The following KLF6 variants were observed in gnomAD, a reference collection of about 807,000 sequenced individuals.
KLF6 encodes KLF transcription factor 6.
For synonymous variants in KLF6, 152 were observed against 147.9 expected (o/e 1.03, Z -0.20); for missense variants, 233 against 359.8 (o/e 0.65, Z 2.85).
At chr10:3,783,192 C>G (rs1832569628) in intron 1 of KLF6, 1 of 152,296 alleles carries the variant, frequency 6.6e-6, no homozygotes, top group African/African-American at 2.4e-5. Context: ...TGGACAGTAC[C>G]CCTTCCCCAG....
At position 3,780,467 on chromosome 10, in the gene KLF6, C is replaced by T. The variant is rs1309775113; in HGVS notation, c.677-238G>A. 14 of 577,720 alleles carry T rather than the reference C, an allele frequency of 2.4e-5. No homozygotes were observed. The highest frequency in any genetic ancestry group is 3.4e-5 in the Non-Finnish European group (11 of 319,660). The allele number at this position is 577,720 out of a possible 1,614,324, so 35.8% of individuals were successfully genotyped here. A position where few individuals can be genotyped will look rare whatever the true frequency, so the allele number is the denominator to read the frequency against. On this transcript the variant is annotated intron_variant, in intron 2 of 3. Transcript: ENST00000497571. The surrounding 1 kb of genome is among the most constrained non-coding windows in gnomAD (Gnocchi z 4.6). ...GCTTCAGCCAAGCCCATGGTGCTGTCATCAAAGTTAACGTGGAAGAACGAC... is the reference window on the plus strand; with the variant it reads ...GCTTCAGCCAAGCCCATGGTGCTGTTATCAAAGTTAACGTGGAAGAACGAC...
Position 3,782,006 on chromosome 10 carries a change from A to G in KLF6, c.311T>C (p.Leu104Pro). ...GGATTCGCTGCTGACATCTGAGTTC[A>G]GGCTGTTGGTCTCTAAGTTGTAACA... Reference protein sequence around the residue: ...SFCYNLETNSLNSDVSSESSD... With the variant: ...SFCYNLETNSPNSDVSSESSD... Residue 104 changes from leucine (L) to proline (P), a missense_variant, in exon 2 of 4, where the codon CTG becomes CCG. Leu to Pro is a moderately conservative substitution (Grantham distance 98). Transcript: ENST00000497571. This position sits in a 1 kb window ranked among gnomAD's most constrained non-coding sequence, Gnocchi z 4.3. 1 of 1,614,192 alleles carries G rather than the reference A, an allele frequency of 6.2e-7. No individual in the cohort carries two copies. The highest frequency in any genetic ancestry group is 1.3e-5 in the African/African-American group (1 of 75,048).
Position 3,782,145 on chromosome 10 carries a change from C to G in KLF6, c.172G>C (p.Asp58His), listed in dbSNP as rs1386659633. Residue 58 changes from aspartate to histidine, a missense_variant, in exon 2 of 4, where the codon GAC becomes CAC. Asp to His is a moderately conservative substitution (Grantham distance 81). Coordinates refer to ENST00000497571, the MANE Select transcript of KLF6 (RefSeq NM_001300.6). This position sits in a 1 kb window ranked among gnomAD's most constrained non-coding sequence, Gnocchi z 4.3. ...CYVSASEIKF[D>H]SQEDLWTKII... The stretch of plus-strand genomic sequence containing the variant: ...TTGGTCCACAGATCTTCCTGGCTGT[C>G]AAATTTGATTTCTGAGGCTGAAACA... 6.2e-7 allele frequency: 1 copy of G among 1,613,668 alleles called. No homozygotes were observed. Among genetic ancestry groups the G allele is most frequent in the Admixed American group, 1.7e-5 (1 of 60,026 alleles).
rs1380349252 is a variant in KLF6 at position 3,781,199 on chromosome 10, C to A, written c.676+442G>T. On this transcript the variant is annotated intron_variant, in intron 2 of 3. Coordinates refer to ENST00000497571, the MANE Select transcript of KLF6 (RefSeq NM_001300.6). The surrounding 1 kb of genome is among the most constrained non-coding windows in gnomAD (Gnocchi z 5.8). ...ACAGAGCAGGCCGGTCCCACTCGGG[C>A]CTCGGGCCGTCAGCATCAAACCCAC... The A allele has an allele frequency of 2.5e-6, 1 of 393,412 alleles. No individual in the cohort carries two copies. Among genetic ancestry groups the A allele is most frequent in the Non-Finnish European group, 4.6e-6 (1 of 218,968 alleles). The allele number at this position is 393,412 out of a possible 1,614,324, so 24.4% of individuals were successfully genotyped here.
At chr10:3,784,601 C>CAA (rs140187751) in intron 1 of KLF6, among the ~76,000 whole-genome samples, 27 of 148,466 alleles carry the variant, frequency 1.8e-4, no homozygotes, top group South Asian at 4.3e-4. Context: ...AACAAACAAA[C>CAA]AAAAAAAAAA....
In KLF6 at chr10:3,781,474, C is replaced by T. The variant is rs1269844751; in HGVS notation, c.676+167G>A. ...CAAAAGTCCAGTCTTTAGGATTCTA[C>T]TCTGAACTCCAAAAAGACCTAATGC... On this transcript the variant is annotated intron_variant, in intron 2 of 3. Transcript: ENST00000497571. This position sits in a 1 kb window ranked among gnomAD's most constrained non-coding sequence, Gnocchi z 5.8. 6.5e-7 allele frequency: 1 copy of T among 1,549,378 alleles called. No homozygotes were observed. The highest frequency in any genetic ancestry group is 8.7e-7 in the Non-Finnish European group (1 of 1,146,602).
In KLF6 at chr10:3,782,563, A is replaced by G. The variant is rs1832555487; in HGVS notation, c.103-349T>C. ...ACCAGAGGAAGAGAACCGGCCCCATACACATACTCCTCCCCAACAGGTTCA... is the reference window on the plus strand; with the variant it reads ...ACCAGAGGAAGAGAACCGGCCCCATGCACATACTCCTCCCCAACAGGTTCA... On this transcript the variant is annotated intron_variant, in intron 1 of 3. Transcript: ENST00000497571. This position sits in a 1 kb window ranked among gnomAD's most constrained non-coding sequence, Gnocchi z 4.3. Among the ~76,000 whole-genome samples, 1 of 152,190 alleles carries G rather than the reference A, an allele frequency of 6.6e-6. No homozygotes were observed.
Position 3,779,090 on chromosome 10 carries a change from C to A in KLF6, c.*449G>T, listed in dbSNP as rs758604944. The A allele has an allele frequency of 1.2e-4, 63 of 536,228 alleles. No homozygotes were observed. Among genetic ancestry groups the A allele is most frequent in the Non-Finnish European group, 1.8e-4 (50 of 277,426 alleles). 33.2% of individuals were successfully genotyped at this position (536,228 alleles called of 1,614,324 possible). A position where few individuals can be genotyped will look rare whatever the true frequency, so the allele number is the denominator to read the frequency against. On this transcript the variant is annotated 3_prime_UTR_variant, in exon 4 of 4. Transcript: ENST00000497571. ...TCTAAGGTGCAGACACCCCCTCCCC[C>A]CAAGGAAATGATTGGTGGTCATCTC...
At chr10:3,784,593 C>A (rs1255973711) in intron 1 of KLF6, among the ~76,000 whole-genome samples, 1 of 147,690 alleles carries the variant, frequency 6.8e-6, no homozygotes, top group Non-Finnish European at 1.5e-5. Context: ...CAACAAAAAA[C>A]AAACAAACAA....
chr10:3,779,687 A>AC, intron 3 of KLF6, 97 bp from the exon 4 acceptor site: 2 of 1,113,094 alleles, frequency 1.8e-6, no homozygotes, highest in South Asian at 1.3e-5. Flanking sequence ...GCCCAGCCTA[A>AC]CCCCCTGCAG....
At position 3,781,093 on chromosome 10, in the gene KLF6, T is replaced by C. The variant is rs1417281766; in HGVS notation, c.676+548A>G. 5.4e-6 allele frequency: 1 copy of C among 184,302 alleles called. No individual in the cohort carries two copies. Among genetic ancestry groups the C allele is most frequent in the Non-Finnish European group, 1.1e-5 (1 of 88,606 alleles). The allele number at this position is 184,302 out of a possible 1,614,324, so 11.4% of individuals were successfully genotyped here. A position where few individuals can be genotyped will look rare whatever the true frequency, so the allele number is the denominator to read the frequency against. ...GGTATGGCATTTCATTAAGAAACTG[T>C]TTCAAGCGGTATCAGAAACAAAGGC... On this transcript the variant is annotated intron_variant, in intron 2 of 3. Transcript: ENST00000497571. This position sits in a 1 kb window ranked among gnomAD's most constrained non-coding sequence, Gnocchi z 5.8.
chr10:3,784,066 C>T (rs997084749), intron 1 of KLF6, among the ~76,000 whole-genome samples: 1 of 152,206 alleles, frequency 6.6e-6, no homozygotes, highest in Non-Finnish European at 1.5e-5. Flanking sequence ...TGGCAATTCA[C>T]TTTGTGACGA....
chr10:3,784,839 C>T (rs894927297), intron 1 of KLF6, 74 bp downstream of exon 1: 7 of 1,417,786 alleles, frequency 4.9e-6, no homozygotes, highest in Admixed American at 2.4e-5. Flanking sequence ...CAGAGAGCAC[C>T]GGGTCTGAAC....
rs374869447 is a variant in KLF6, at chr10:3,782,401, A to G, written c.103-187T>C. Among the ~76,000 whole-genome samples the G allele has an allele frequency of 6.6e-6, 1 of 152,250 alleles. No individual in the cohort carries two copies. The highest frequency in any genetic ancestry group is 1.5e-5 in the Non-Finnish European group (1 of 68,050). Reference sequence around the variant, plus strand: ...AAGTTAGAGGAAATCTGTTTCTAGAATGGTAAGAATTCAGAGGAAAAGTCG... The same window carrying G: ...AAGTTAGAGGAAATCTGTTTCTAGAGTGGTAAGAATTCAGAGGAAAAGTCG... On this transcript the variant is annotated intron_variant, in intron 1 of 3. Coordinates refer to ENST00000497571, the MANE Select transcript of KLF6 (RefSeq NM_001300.6). This position sits in a 1 kb window ranked among gnomAD's most constrained non-coding sequence, Gnocchi z 4.3.
chr10:3,777,344 T>C lies in KLF6; in HGVS notation c.*2195A>G, dbSNP rs1256929678. 1.9e-6 allele frequency: 1 copy of C among 513,088 alleles called. No homozygotes were observed. The highest frequency in any genetic ancestry group is 3.8e-6 in the Non-Finnish European group (1 of 262,566). The allele number at this position is 513,088 out of a possible 1,614,324, so 31.8% of individuals were successfully genotyped here. On this transcript the variant is annotated 3_prime_UTR_variant, in exon 4 of 4. Transcript: ENST00000497571. ...GGAAAAACTGGAAGAATCTACTTGCTGGAAAAAATAGCTTCATCTGCATAA... is the reference window on the plus strand; with the variant it reads ...GGAAAAACTGGAAGAATCTACTTGCCGGAAAAAATAGCTTCATCTGCATAA...
chr10:3,784,807 G>GGGGCCC, intron 1 of KLF6, 106 bp downstream of exon 1: 3 of 1,051,268 alleles, frequency 2.9e-6, no homozygotes, highest in Non-Finnish European at 3.9e-6. Context: ...GTGACAGCGC[G>GGGGCCC]GGGCCCAGGC....
chr10:3,780,058 T>C lies in KLF6; in HGVS notation c.800+48A>G. The C allele has an allele frequency of 1.2e-6, 2 of 1,612,674 alleles. No individual in the cohort carries two copies. The highest frequency in any genetic ancestry group is 1.7e-6 in the Non-Finnish European group (2 of 1,179,318). On this transcript the variant is annotated intron_variant, in intron 3 of 3. Transcript: ENST00000497571. This position sits in a 1 kb window ranked among gnomAD's most constrained non-coding sequence, Gnocchi z 4.6. ...CACCTACTCAACCCTGGTCATCACA[T>C]TCCCAAGGCCCCACGCTCCTTGCCC...
In KLF6 at chr10:3,780,351, G is replaced by A. The variant is rs180926608; in HGVS notation, c.677-122C>T. 2.0e-4 allele frequency: 241 copies of A among 1,187,312 alleles called. No individual in the cohort carries two copies. In the African/African-American group the frequency reaches 2.9e-3, roughly 14 times the overall value. The allele number at this position is 1,187,312 out of a possible 1,614,324, so 73.5% of individuals were successfully genotyped here. A position where few individuals can be genotyped will look rare whatever the true frequency, so the allele number is the denominator to read the frequency against. On this transcript the variant is annotated intron_variant, in intron 2 of 3. Coordinates refer to ENST00000497571, the MANE Select transcript of KLF6 (RefSeq NM_001300.6). This position sits in a 1 kb window ranked among gnomAD's most constrained non-coding sequence, Gnocchi z 4.6. ...CAGGGACCCAGTGGCTTCTGGCATCGGTAACACACAACAACTGGCAGCCTC... is the reference window on the plus strand; with the variant it reads ...CAGGGACCCAGTGGCTTCTGGCATCAGTAACACACAACAACTGGCAGCCTC...
intron 1 of KLF6, among the ~76,000 whole-genome samples, chr10:3,783,035 G>A (rs543537560): frequency 1.3e-5 from 2 of 152,306 alleles, no homozygotes; most frequent in East Asian, 3.9e-4. Flanking sequence ...GTCCCACAAT[G>A]AACAAGAACT....
Sources: gnomAD v4.1 joint callset for allele counts (sites outside exome capture counted in the v4.1 genomes callset) on GRCh38, gnomAD v4.1.1 for gene constraint, Gnocchi (gnomAD v3.1) non-coding constraint, MANE v1.5 for transcripts, NCBI Gene and HGNC (gene_info 2026-07-23, HGNC 2026-07-21) for gene names.